IMMP2L: variants seen among roughly 807,000 people sequenced by gnomAD.
IMMP2L encodes mitochondrial inner membrane protease subunit 2.
IMMP2L carries 18 observed loss-of-function variants against 19.3 expected under a neutral mutation model. The observed-to-expected ratio is 0.93, with a 90% CI of 0.64 to 1.38. The LOEUF (loss-of-function observed/expected upper bound fraction) is 1.38. Ranked by LOEUF, IMMP2L falls within the 40% of genes most tolerant of loss-of-function variation. The probability of loss-of-function intolerance (pLI) is 0.00; values close to 1 mark genes in which losing one functional copy is unlikely to be tolerated. For missense variants in IMMP2L, 233 were observed against 218.2 expected (o/e 1.07, Z -0.43); for synonymous variants, 76 against 73.0 (o/e 1.04, Z -0.21).
intron 3 of IMMP2L, among the ~76,000 whole-genome samples, chr7:111,231,323 A>C (rs1813694358): frequency 6.6e-6 from 1 of 151,924 alleles, no homozygotes; most frequent in African/African-American, 2.4e-5. Context: ...ATAATATCAA[A>C]ACCCCATCTT....
rs545283798 is a variant in IMMP2L at position 111,471,735 on chromosome 7, C to G, written c.239+15503G>C. ...CACGTTATATTTCTTTTGAACGTCC[C>G]TGAACATTCAAAATGTTATCCTCTA... On this transcript the variant is annotated intron_variant, in intron 3 of 5. Transcript: ENST00000405709. 1.4e-3 allele frequency among the ~76,000 whole-genome samples: 211 copies of G among 152,086 alleles called. 1 individual carries two copies. Among genetic ancestry groups the G allele is most frequent in the African/African-American group, 4.9e-3 (203 of 41,492 alleles).
At chr7:111,014,973 TC>T (rs1471486079) in intron 3 of IMMP2L, among the ~76,000 whole-genome samples, 1 of 152,144 alleles carries the variant, frequency 6.6e-6, no homozygotes, top group Non-Finnish European at 1.5e-5. Context: ...AAATGGTGCA[TC>T]CTCTATGGAA....
chr7:111,075,892 C>T (rs566192155), intron 3 of IMMP2L, among the ~76,000 whole-genome samples: 1 of 152,226 alleles, frequency 6.6e-6, no homozygotes, highest in Non-Finnish European at 1.5e-5. Flanking sequence ...CTATTCTGAA[C>T]TATTAGAAAA....
intron 3 of IMMP2L, among the ~76,000 whole-genome samples, chr7:110,965,054 C>A (rs1052988692): frequency 1.3e-5 from 2 of 151,910 alleles, no homozygotes; most frequent in Non-Finnish European, 2.9e-5. Context: ...AGATAATAAA[C>A]GTTTGTTGTT....
intron 3 of IMMP2L, among the ~76,000 whole-genome samples, chr7:111,026,495 TTTAGA>T (rs1826836437): frequency 6.6e-6 from 1 of 152,102 alleles, no homozygotes; most frequent in Non-Finnish European, 1.5e-5. Flanking sequence ...AAATGTGCAA[TTTAGA>T]TTAGATTATT....
At chr7:111,277,502 T>G (rs550801819) in intron 3 of IMMP2L, among the ~76,000 whole-genome samples, 66 of 150,558 alleles carry the variant, frequency 4.4e-4, no homozygotes, top group African/African-American at 1.5e-3. Flanking sequence ...GAGGCGGAGG[T>G]TGCAGTGAGC....
intron 3 of IMMP2L, among the ~76,000 whole-genome samples, chr7:111,234,939 A>T (rs1814117325): frequency 6.6e-6 from 1 of 152,174 alleles, no homozygotes; most frequent in African/African-American, 2.4e-5. Flanking sequence ...TTTTTTACTT[A>T]AACAGTCAAA....
chr7:111,132,058 T>C (rs1801898757), intron 3 of IMMP2L, among the ~76,000 whole-genome samples: 1 of 151,966 alleles, frequency 6.6e-6, no homozygotes, highest in Non-Finnish European at 1.5e-5. Flanking sequence ...GTATGTTCTT[T>C]TATAATATTC....
chr7:111,068,381 A>T (rs2129575107), intron 3 of IMMP2L, among the ~76,000 whole-genome samples: 1 of 152,322 alleles, frequency 6.6e-6, no homozygotes, highest in African/African-American at 2.4e-5. Context: ...TTCCAGACTG[A>T]TATAAATTAA....
chr7:111,173,573 C>T (rs1286904675), intron 3 of IMMP2L, among the ~76,000 whole-genome samples: 1 of 151,632 alleles, frequency 6.6e-6, no homozygotes, highest in African/African-American at 2.4e-5. Flanking sequence ...GGAGGCTATA[C>T]ACTCGTTCTT....
At chr7:111,426,063 G>T (rs1224789786) in intron 3 of IMMP2L, among the ~76,000 whole-genome samples, 1 of 151,052 alleles carries the variant, frequency 6.6e-6, no homozygotes, top group Admixed American at 6.6e-5. Flanking sequence ...TGAAGGGTGA[G>T]TAAAATTTTG....
At chr7:111,386,584 G>A (rs1229264952) in intron 3 of IMMP2L, among the ~76,000 whole-genome samples, 1 of 151,996 alleles carries the variant, frequency 6.6e-6, no homozygotes, top group Non-Finnish European at 1.5e-5. Context: ...ACAGAGAGAG[G>A]GAATGGATAA....
chr7:111,103,474 G>C (rs541537630), intron 3 of IMMP2L, among the ~76,000 whole-genome samples: 1 of 151,614 alleles, frequency 6.6e-6, no homozygotes, highest in African/African-American at 2.4e-5. Context: ...GGTAAATAGC[G>C]TGATACATTT....
In IMMP2L at chr7:111,257,003, A is replaced by G. The variant is rs938151263; in HGVS notation, c.239+230235T>C. On this transcript the variant is annotated intron_variant, in intron 3 of 5. Coordinates refer to ENST00000405709, the MANE Select transcript of IMMP2L (RefSeq NM_032549.4). ...TACCTACAATAAATAAAAGTAGAGT[A>G]GACCTACACAATTATATTCCAGCCA... Among the ~76,000 whole-genome samples, 5 of 152,090 alleles carry G rather than the reference A, an allele frequency of 3.3e-5. No homozygotes were observed. The East Asian group carries it at 7.7e-4, about 23-fold the overall frequency.
At chr7:110,969,537 A>C (rs1819920343) in intron 3 of IMMP2L, among the ~76,000 whole-genome samples, 2 of 152,048 alleles carry the variant, frequency 1.3e-5, no homozygotes, top group South Asian at 2.1e-4. Flanking sequence ...TACTGGCAAA[A>C]TGACGTACAG....
intron 3 of IMMP2L, chr7:111,124,468 G>T: frequency 1.2e-6 from 2 of 1,613,880 alleles, no homozygotes; most frequent in African/African-American, 1.3e-5. Context: ...TTCTCATGCT[G>T]CGCAAAGTGC....
rs564050224 is a variant in IMMP2L, at chr7:111,429,672, A to T, written c.239+57566T>A. Among the ~76,000 whole-genome samples the T allele has an allele frequency of 1.6e-4, 25 of 152,096 alleles. No homozygotes were observed. The South Asian group carries it at 5.0e-3, about 30-fold the overall frequency. On this transcript the variant is annotated intron_variant, in intron 3 of 5. Coordinates refer to ENST00000405709, the MANE Select transcript of IMMP2L (RefSeq NM_032549.4). ...TTCACATCTAATTGAGCTCCAACTC[A>T]GATAAAATAGCCTGTGTTTCTTAAA...
intron 3 of IMMP2L, among the ~76,000 whole-genome samples, chr7:111,277,707 T>A (rs890198750): frequency 2.6e-5 from 4 of 152,092 alleles, no homozygotes; most frequent in Non-Finnish European, 5.9e-5. Flanking sequence ...AGAACTACTA[T>A]TCCATCCAGC....
intron 3 of IMMP2L, among the ~76,000 whole-genome samples, chr7:111,134,604 TA>T (rs1802159453): frequency 6.6e-6 from 1 of 152,092 alleles, no homozygotes; most frequent in African/African-American, 2.4e-5. Flanking sequence ...AATTTGGAGA[TA>T]TTTTTGCTAT....
Sources: gnomAD v4.1 joint callset for allele counts (sites outside exome capture counted in the v4.1 genomes callset) on GRCh38, gnomAD v4.1.1 for gene constraint, MANE v1.5 for transcripts, NCBI Gene and HGNC (gene_info 2026-07-23, HGNC 2026-07-21) for gene names.